MAG: variants seen among roughly 807,000 people sequenced by gnomAD.
MAG encodes myelin associated glycoprotein, also known as myelin-associated glycoprotein.
MAG carries 30 observed loss-of-function variants against 60.7 expected under a neutral mutation model. That is an observed-to-expected ratio of 0.49 (90% CI 0.37 to 0.67). MAG has a LOEUF of 0.67. Ranked by LOEUF, MAG falls within the 30% of genes least tolerant of loss-of-function variation. MAG has a pLI of 0.00. For missense variants in MAG, 795 were observed against 851.7 expected, an observed-to-expected ratio of 0.93 and a Z score of 0.83; for synonymous variants, 384 against 376.8, an observed-to-expected ratio of 1.02 and a Z score of -0.22.
chr19:35,295,800 C>A lies in MAG; in HGVS notation c.234C>A (p.Thr78=), dbSNP rs2066392845. Reference sequence around the variant, plus strand: ...CCCCGGTGGTCTTCAAGTCGCGCACCCAAGTAGTCCACGAGAGCTTCCAGG... The same window carrying A: ...CCCCGGTGGTCTTCAAGTCGCGCACACAAGTAGTCCACGAGAGCTTCCAGG... ...NYPPVVFKSR[T]QVVHESFQGR... is the part of the protein sequence containing the mutation. The change falls in exon 4 of 11, where the codon ACC becomes ACA. Residue 78 remains threonine, a synonymous_variant. Coordinates refer to ENST00000392213, the MANE Select transcript of MAG (RefSeq NM_002361.4). This position sits in a 1 kb window ranked among gnomAD's most constrained non-coding sequence, Gnocchi z 5.8. 2 of 1,613,874 alleles carry A rather than the reference C, an allele frequency of 1.2e-6. No homozygotes were observed. Among genetic ancestry groups the A allele is most frequent in the Non-Finnish European group, 1.7e-6 (2 of 1,179,984 alleles).
At chr19:35,312,926 C>T (rs1202735258) in intron 10 of MAG, among the ~76,000 whole-genome samples, 1 of 152,118 alleles carries the variant, frequency 6.6e-6, no homozygotes, top group Non-Finnish European at 1.5e-5. Flanking sequence ...GTAATCCCAG[C>T]TACTTGGGAG....
Position 35,295,308 on chromosome 19 carries a change from T to G in MAG, c.-23-78T>G. 9.1e-7 allele frequency: 1 copy of G among 1,101,916 alleles called. No individual in the cohort carries two copies. Among genetic ancestry groups the G allele is most frequent in the Non-Finnish European group, 1.3e-6 (1 of 741,394 alleles). 68.3% of individuals were successfully genotyped at this position (1,101,916 alleles called of 1,614,324 possible). On this transcript the variant is annotated intron_variant, in intron 2 of 10. Transcript: ENST00000392213. The surrounding 1 kb of genome is among the most constrained non-coding windows in gnomAD (Gnocchi z 5.8). ...ATAGCAGCAGCAGCTAACATATGAA[T>G]GGGCCCCTTCCTGAAGCCCAGATGG...
intron 7 of MAG, among the ~76,000 whole-genome samples, chr19:35,303,716 T>C (rs1196635005): frequency 6.6e-6 from 1 of 152,118 alleles, no homozygotes; most frequent in Non-Finnish European, 1.5e-5. Flanking sequence ...AAAAAGCTAC[T>C]GTCTTGGAAA....
chr19:35,295,828 C>A lies in MAG; in HGVS notation c.262C>A (p.Arg88Ser). ...TQVVHESFQGRSRLLGDLGLR... is the reference protein window; with the variant it reads ...TQVVHESFQGSSRLLGDLGLR... ...AGTAGTCCACGAGAGCTTCCAGGGC[C>A]GCAGCCGCCTCCTGGGGGACCTGGG... The change falls in exon 4 of 11, where the codon CGC (arginine) becomes AGC (serine). Residue 88 changes from arginine to serine, a missense_variant. Arg to Ser is a moderately radical substitution (Grantham distance 110). Coordinates refer to ENST00000392213, the MANE Select transcript of MAG (RefSeq NM_002361.4). This position sits in a 1 kb window ranked among gnomAD's most constrained non-coding sequence, Gnocchi z 5.8. 6.2e-7 allele frequency: 1 copy of A among 1,613,944 alleles called. No homozygotes were observed. The highest frequency in any genetic ancestry group is 8.5e-7 in the Non-Finnish European group (1 of 1,180,024).
chr19:35,299,547 C>G lies in MAG; in HGVS notation c.416-7C>G, dbSNP rs200245689. On this transcript the variant is annotated splice_polypyrimidine_tract_variant and splice_region_variant and intron_variant, in intron 4 of 10. Coordinates refer to ENST00000392213, the MANE Select transcript of MAG (RefSeq NM_002361.4). ...TTCTCAGCCCTCCCTTTCCCCGCCT[C>G]GTATAGACACCCCCAACATCGTGGT... The G allele has an allele frequency of 6.4e-7, 1 of 1,573,564 alleles. No individual in the cohort carries two copies. The highest frequency in any genetic ancestry group is 8.7e-7 in the Non-Finnish European group (1 of 1,152,354).
intron 7 of MAG, 86 bp from the exon 8 acceptor site, chr19:35,309,788 C>G: frequency 6.8e-7 from 1 of 1,464,832 alleles, no homozygotes; most frequent in Non-Finnish European, 9.3e-7. Flanking sequence ...CTTGGCCACA[C>G]TGGCCTTGCC....
rs766905009 is a variant in MAG at position 35,313,499 on chromosome 19, C to T, written c.*45C>T. Reference sequence around the variant, plus strand: ...CGTGGCTGACCCCCCTCAGGACCCTCGCTGGCCCCCACTGGCTGTGGGCTC... The same window carrying T: ...CGTGGCTGACCCCCCTCAGGACCCTTGCTGGCCCCCACTGGCTGTGGGCTC... On this transcript the variant is annotated 3_prime_UTR_variant, in exon 11 of 11. Transcript: ENST00000392213. 6.5e-6 allele frequency: 10 copies of T among 1,545,350 alleles called. No individual in the cohort carries two copies. The highest frequency in any genetic ancestry group is 2.0e-5 in the Admixed American group (1 of 50,402).
chr19:35,294,985 G>A (rs2066385202), intron 2 of MAG, among the ~76,000 whole-genome samples: 2 of 152,068 alleles, frequency 1.3e-5, no homozygotes, highest in African/African-American at 4.8e-5. Flanking sequence ...ACCAGGCATG[G>A]TGATTTACAC....
At position 35,295,235 on chromosome 19, in the gene MAG, A is replaced by G; in HGVS notation, c.-23-151A>G. Reference sequence around the variant, plus strand: ...GCATTCCAGCCCGGGCAATGAAACAAGACCCTGTCTCAGAAAAATAAGTAA... The same window carrying G: ...GCATTCCAGCCCGGGCAATGAAACAGGACCCTGTCTCAGAAAAATAAGTAA... On this transcript the variant is annotated intron_variant, in intron 2 of 10. Coordinates refer to ENST00000392213, the MANE Select transcript of MAG (RefSeq NM_002361.4). This position sits in a 1 kb window ranked among gnomAD's most constrained non-coding sequence, Gnocchi z 5.8. The G allele has an allele frequency of 2.8e-6, 2 of 717,354 alleles. No individual in the cohort carries two copies. The highest frequency in any genetic ancestry group is 3.6e-5 in the South Asian group (2 of 55,148). 44.4% of individuals were successfully genotyped at this position (717,354 alleles called of 1,614,324 possible). A position where few individuals can be genotyped will look rare whatever the true frequency, so the allele number is the denominator to read the frequency against.
Position 35,309,892 on chromosome 19 carries a change from T to A in MAG, c.1250T>A (p.Leu417Gln). ...CCTGCAGTCGCCCCTGTGCTCCTCC[T>A]GGAGTCCCACTGCGCGGCAGCCCGA... ...LSVEFAPVLLLESHCAAARDT... is the reference protein window; with the variant it reads ...LSVEFAPVLLQESHCAAARDT... The change falls in exon 8 of 11, where the codon CTG becomes CAG. Residue 417 changes from leucine (L) to glutamine (Q), a missense_variant. Leu to Gln is a moderately radical substitution (Grantham distance 113). Transcript: ENST00000392213. 9 of 1,611,854 alleles carry A rather than the reference T, an allele frequency of 5.6e-6. No homozygotes were observed. The highest frequency in any genetic ancestry group is 7.6e-6 in the Non-Finnish European group (9 of 1,179,530).
rs1270292088 is a variant in MAG, at chr19:35,302,634, A to T, written c.1157A>T (p.Asp386Val). ...GAGCTGCCGGCCGTGTCACCCGAGGATGATGGAGAGTACTGGTGTGTGGCT... is the reference window on the plus strand; with the variant it reads ...GAGCTGCCGGCCGTGTCACCCGAGGTTGATGGAGAGTACTGGTGTGTGGCT... Reference protein sequence around the residue: ...QLELPAVSPEDDGEYWCVAEN... With the variant: ...QLELPAVSPEVDGEYWCVAEN... Residue 386 changes from aspartate to valine, a missense_variant, in exon 7 of 11, where the codon GAT (aspartate) becomes GTT (valine). Coordinates refer to ENST00000392213, the MANE Select transcript of MAG (RefSeq NM_002361.4). 1.5e-5 allele frequency: 24 copies of T among 1,614,160 alleles called. No individual in the cohort carries two copies. Among genetic ancestry groups the T allele is most frequent in the East Asian group, 2.2e-5 (1 of 44,874 alleles).
At position 35,310,647 on chromosome 19, in the gene MAG, A is replaced by G; in HGVS notation, c.1616+4A>G. ...ACATTACCCAGACACGCAGGAAGTGAGTGCCAGCTGGGGCTGATCTGGGGA... is the reference window on the plus strand; with the variant it reads ...ACATTACCCAGACACGCAGGAAGTGGGTGCCAGCTGGGGCTGATCTGGGGA... On this transcript the variant is annotated splice_donor_region_variant and intron_variant, in intron 9 of 10. Coordinates refer to ENST00000392213, the MANE Select transcript of MAG (RefSeq NM_002361.4). 6.2e-7 allele frequency: 1 copy of G among 1,613,828 alleles called. No individual in the cohort carries two copies. Among genetic ancestry groups the G allele is most frequent in the Non-Finnish European group, 8.5e-7 (1 of 1,179,926 alleles).
At chr19:35,304,012 G>A (rs2066466789) in intron 7 of MAG, among the ~76,000 whole-genome samples, 1 of 152,180 alleles carries the variant, frequency 6.6e-6, no homozygotes, top group Non-Finnish European at 1.5e-5. Flanking sequence ...AAGTTTGCCA[G>A]AAGGTTCGAT....
At chr19:35,306,338 G>T (rs983485635) in intron 7 of MAG, among the ~76,000 whole-genome samples, 1 of 152,122 alleles carries the variant, frequency 6.6e-6, no homozygotes, top group Admixed American at 6.5e-5. Flanking sequence ...TATTTGTTGT[G>T]TGTTTTGCTG....
intron 7 of MAG, among the ~76,000 whole-genome samples, chr19:35,309,477 C>T (rs989532694): frequency 1.3e-5 from 2 of 152,144 alleles, no homozygotes; most frequent in Middle Eastern, 3.4e-3. Context: ...TTTGAGACAG[C>T]GTCTCATTCT....
chr19:35,312,426 C>G, intron 10 of MAG: 2 of 1,109,682 alleles, frequency 1.8e-6, no homozygotes, highest in Non-Finnish European at 2.7e-6. Context: ...AAGGTGGTCT[C>G]TGGTGATGTC....
chr19:35,300,688 C>T (rs1723725171), intron 6 of MAG, among the ~76,000 whole-genome samples: 1 of 152,198 alleles, frequency 6.6e-6, no homozygotes, highest in African/African-American at 2.4e-5. Context: ...CCTGGTTGTT[C>T]TGGGACTTGA....
intron 7 of MAG, among the ~76,000 whole-genome samples, chr19:35,306,690 G>C (rs1213959854): frequency 6.6e-6 from 1 of 152,138 alleles, no homozygotes; most frequent in Admixed American, 6.5e-5. Flanking sequence ...CTCCTGCCTT[G>C]GCCTCCCAAA....
chr19:35,304,776 G>C (rs2066472210), intron 7 of MAG, among the ~76,000 whole-genome samples: 1 of 152,150 alleles, frequency 6.6e-6, no homozygotes, highest in Non-Finnish European at 1.5e-5. Context: ...CTAGTCTCAA[G>C]TGATCCACCC....
Sources: gnomAD v4.1 joint callset for allele counts (sites outside exome capture counted in the v4.1 genomes callset) on GRCh38, gnomAD v4.1.1 for gene constraint, Gnocchi (gnomAD v3.1) non-coding constraint, MANE v1.5 for transcripts, NCBI Gene and HGNC (gene_info 2026-07-23, HGNC 2026-07-21) for gene names.